The following COL25A1 variants were observed in gnomAD, a reference collection of about 807,000 sequenced individuals.
COL25A1 encodes the protein collagen alpha-1(XXV) chain.
A neutral mutation model predicts 128.4 loss-of-function variants in COL25A1; 103 were observed. That is an observed-to-expected ratio of 0.80 (90% CI 0.68 to 0.94). The LOEUF is 0.94. COL25A1 is among the 40% of genes least tolerant of loss of function. The pLI is 0.00. For synonymous variants in COL25A1, 279 were observed against 277.2 expected, an observed-to-expected ratio of 1.01 and a Z score of -0.06; for missense variants, 745 against 840.0, an observed-to-expected ratio of 0.89 and a Z score of 1.40.
intron 3 of COL25A1, among the ~76,000 whole-genome samples, chr4:109,223,740 A>C (rs1025562946): frequency 6.6e-6 from 1 of 152,194 alleles, no homozygotes; most frequent in Non-Finnish European, 1.5e-5. Flanking sequence ...CTTAATAATC[A>C]GCCGATTATT....
chr4:109,024,654 T>C (rs1465371800), intron 5 of COL25A1, among the ~76,000 whole-genome samples: 7 of 152,186 alleles, frequency 4.6e-5, no homozygotes, highest in African/African-American at 1.4e-4. Flanking sequence ...ATTACAAAAA[T>C]ATATTGTCAC....
chr4:108,948,237 T>C (rs151008665), intron 8 of COL25A1, among the ~76,000 whole-genome samples: 5 of 152,320 alleles, frequency 3.3e-5, no homozygotes, highest in African/African-American at 9.6e-5. Context: ...GATCATTCCA[T>C]ATTGCAGTAG....
intron 20 of COL25A1, among the ~76,000 whole-genome samples, chr4:108,867,892 AT>A (rs1428830300): frequency 6.6e-6 from 1 of 151,854 alleles, no homozygotes; most frequent in Non-Finnish European, 1.5e-5. Context: ...ATATATATAT[AT>A]TTTTTTGCAT....
intron 3 of COL25A1, among the ~76,000 whole-genome samples, chr4:109,195,614 T>C (rs1775977091): frequency 6.6e-6 from 1 of 152,186 alleles, no homozygotes; most frequent in African/African-American, 2.4e-5. Flanking sequence ...TTCTCATTAC[T>C]AGACTCACCG....
intron 6 of COL25A1, among the ~76,000 whole-genome samples, chr4:108,997,288 G>T (rs1754875606): frequency 6.6e-6 from 1 of 151,764 alleles, no homozygotes; most frequent in African/African-American, 2.4e-5. Flanking sequence ...ATGATAAAGG[G>T]GATATCACAA....
intron 13 of COL25A1, among the ~76,000 whole-genome samples, chr4:108,908,020 AGTT>A (rs1363021368): frequency 6.6e-6 from 1 of 152,118 alleles, no homozygotes; most frequent in Non-Finnish European, 1.5e-5. Flanking sequence ...TATTATTGCT[AGTT>A]GTTGTTGCTG....
intron 31 of COL25A1, among the ~76,000 whole-genome samples, chr4:108,840,223 C>T (rs1252715948): frequency 1.9e-5 from 2 of 106,488 alleles, no homozygotes; most frequent in Non-Finnish European, 3.6e-5. Flanking sequence ...GCCTGGGAAA[C>T]AAGAGCGAAA....
intron 8 of COL25A1, among the ~76,000 whole-genome samples, chr4:108,958,794 G>T (rs1449209057): frequency 6.6e-6 from 1 of 151,862 alleles, no homozygotes; most frequent in Non-Finnish European, 1.5e-5. Context: ...CATAAATTCT[G>T]TTGGAATCTT....
chr4:108,913,099 T>G (rs1484485842), intron 13 of COL25A1, among the ~76,000 whole-genome samples: 1 of 151,940 alleles, frequency 6.6e-6, no homozygotes, highest in African/African-American at 2.4e-5. Flanking sequence ...AAACAATCCC[T>G]ATGACTCTGC....
At chr4:109,207,264 T>C (rs183787602) in intron 3 of COL25A1, among the ~76,000 whole-genome samples, 32 of 152,254 alleles carry the variant, frequency 2.1e-4, no homozygotes, top group Admixed American at 1.1e-3. Context: ...ACTGTGTGTA[T>C]ATGTGATACA....
At chr4:109,006,966 C>A (rs373654277) in intron 6 of COL25A1, among the ~76,000 whole-genome samples, 6 of 152,246 alleles carry the variant, frequency 3.9e-5, no homozygotes, top group East Asian at 3.9e-4. Flanking sequence ...GGGCTTAATA[C>A]CTGGGTGATC....
intron 6 of COL25A1, among the ~76,000 whole-genome samples, chr4:109,006,137 A>G (rs1308135916): frequency 6.6e-6 from 1 of 152,084 alleles, no homozygotes; most frequent in East Asian, 1.9e-4. Context: ...CCAAGTAAAC[A>G]GAACATGGAA....
chr4:109,010,406 A>G, intron 5 of COL25A1, 31 bp from the exon 6 acceptor site: 1 of 1,504,400 alleles, frequency 6.6e-7, no homozygotes, highest in Non-Finnish European at 9.0e-7. Context: ...AAAAACAATT[A>G]CAAAATTGTA....
chr4:109,171,785 G>A (rs1313785981), intron 3 of COL25A1, among the ~76,000 whole-genome samples: 1 of 152,182 alleles, frequency 6.6e-6, no homozygotes, highest in Non-Finnish European at 1.5e-5. Context: ...ATGCAAATAA[G>A]ATAATCCGTT....
At chr4:108,961,814 C>A (rs1560937623) in intron 8 of COL25A1, among the ~76,000 whole-genome samples, 1 of 152,124 alleles carries the variant, frequency 6.6e-6, no homozygotes, top group Non-Finnish European at 1.5e-5. Flanking sequence ...GATTGGGCCA[C>A]AATTTTAATA....
chr4:109,224,550 C>G (rs572734949), intron 3 of COL25A1, among the ~76,000 whole-genome samples: 1 of 152,178 alleles, frequency 6.6e-6, no homozygotes, highest in Admixed American at 6.5e-5. Flanking sequence ...CCATTTCAGT[C>G]AAAGAATGTA....
chr4:109,189,407 G>GTGTGC (rs1396008619), intron 3 of COL25A1, among the ~76,000 whole-genome samples: 19 of 151,886 alleles, frequency 1.3e-4, no homozygotes, highest in Non-Finnish European at 2.6e-4. Flanking sequence ...AATTAGCTAA[G>GTGTGC]TGTGCTGGCA....
At chr4:108,883,687 T>C (rs1268169654) in intron 19 of COL25A1, among the ~76,000 whole-genome samples, 1 of 152,214 alleles carries the variant, frequency 6.6e-6, no homozygotes, top group Non-Finnish European at 1.5e-5. Flanking sequence ...TGGGTCAAAA[T>C]ATTTTAGTAA....
chr4:109,244,291 A>G (rs756220093), intron 3 of COL25A1, among the ~76,000 whole-genome samples: 1 of 152,070 alleles, frequency 6.6e-6, no homozygotes, highest in Non-Finnish European at 1.5e-5. Context: ...CCACTTTCCA[A>G]TATTTTAGTA....
Sources: gnomAD v4.1 joint callset for allele counts (sites outside exome capture counted in the v4.1 genomes callset) on GRCh38, gnomAD v4.1.1 for gene constraint, MANE v1.5 for transcripts, NCBI Gene and HGNC (gene_info 2026-07-23, HGNC 2026-07-21) for gene names.